The following GABRB3 variants were observed in gnomAD, a reference collection of about 807,000 sequenced individuals.
The protein encoded by GABRB3 is gamma-aminobutyric acid receptor subunit beta-3.
In GABRB3, 14 loss-of-function variants were observed where a neutral mutation model predicts 52.1. The ratio of observed to expected loss-of-function variants is 0.27; its 90% confidence interval spans 0.18 to 0.42. The LOEUF (loss-of-function observed/expected upper bound fraction) is 0.42, where lower values mean the gene tolerates loss of function less well. GABRB3 is among the 10% of genes least tolerant of loss of function. The probability of loss-of-function intolerance (pLI) is 1.00; values close to 1 mark genes in which losing one functional copy is unlikely to be tolerated. For missense variants in GABRB3, 307 were observed against 609.1 expected (o/e 0.50, Z 5.22); for synonymous variants, 260 against 232.3 (o/e 1.12, Z -1.08).
intron 8 of GABRB3, among the ~76,000 whole-genome samples, chr15:26,558,247 G>A (rs1215912161): frequency 1.3e-5 from 2 of 152,132 alleles, no homozygotes; most frequent in Non-Finnish European, 2.9e-5. Context: ...GAAAAATCTG[G>A]TTTTATTCAC....
At chr15:26,616,754 A>G (rs1019642990) in intron 4 of GABRB3, among the ~76,000 whole-genome samples, 24 of 152,162 alleles carry the variant, frequency 1.6e-4, no homozygotes, top group Admixed American at 1.6e-3. Context: ...TTATTATTTA[A>G]CATTTACATA....
intron 4 of GABRB3, among the ~76,000 whole-genome samples, chr15:26,587,552 G>A (rs565012950): frequency 2.0e-4 from 31 of 152,300 alleles, no homozygotes; most frequent in South Asian, 8.3e-4. Flanking sequence ...GGGAGAGTGG[G>A]CCTTTTGAGT....
chr15:26,738,778 T>A (rs533335980), intron 3 of GABRB3, among the ~76,000 whole-genome samples: 1 of 152,278 alleles, frequency 6.6e-6, no homozygotes, highest in African/African-American at 2.4e-5. Flanking sequence ...CAGGGCTTAC[T>A]CTCTGTCCAC....
At chr15:26,624,390 G>A (rs1892605454) in intron 3 of GABRB3, 2 of 985,470 alleles carry the variant, frequency 2.0e-6, no homozygotes, top group African/African-American at 1.7e-5. Context: ...GCATGCTTAC[G>A]CCTGAGTCGC....
At chr15:26,554,144 G>GTATATATATATAAAATATATATATATATA (rs1889626338) in intron 8 of GABRB3, among the ~76,000 whole-genome samples, 1 of 32,302 alleles carries the variant, frequency 3.1e-5, no homozygotes, top group African/African-American at 1.2e-4. Flanking sequence ...TATATATAAA[G>GTATATATATATAAAATATATATATATATA]TATATATATA....
chr15:26,609,392 T>G (rs1273924385), intron 4 of GABRB3, among the ~76,000 whole-genome samples: 1 of 152,160 alleles, frequency 6.6e-6, no homozygotes, highest in African/African-American at 2.4e-5. Flanking sequence ...GAACGTAGAT[T>G]CATTATGTGA....
chr15:26,588,024 T>C (rs1481466930), intron 4 of GABRB3, among the ~76,000 whole-genome samples: 1 of 152,148 alleles, frequency 6.6e-6, no homozygotes, highest in Non-Finnish European at 1.5e-5. Flanking sequence ...ATTTTTTGTT[T>C]TATGATTGAG....
chr15:26,739,735 T>C (rs988735051), intron 3 of GABRB3, among the ~76,000 whole-genome samples: 19 of 152,212 alleles, frequency 1.2e-4, no homozygotes, highest in Admixed American at 5.2e-4. Flanking sequence ...TGTGATATTT[T>C]GTTATGTTCA....
rs1890188275 is a variant in GABRB3 at position 26,566,650 on chromosome 15, C to CA, written c.835+930dup. ...TAGAGTTGAGAGGATCACTTGAGTT[C>CA]AGGAGGTTGAGGCTGCAGTGAGCCG... On this transcript the variant is annotated intron_variant, in intron 7 of 8. Transcript: ENST00000311550. Among the ~76,000 whole-genome samples, 5 of 152,024 alleles carry CA rather than the reference C, an allele frequency of 3.3e-5. No homozygotes were observed. In the South Asian group the frequency reaches 1.0e-3, roughly 32 times the overall value.
intron 3 of GABRB3, among the ~76,000 whole-genome samples, chr15:26,689,442 G>C (rs532593401): frequency 2.0e-5 from 3 of 152,184 alleles, no homozygotes; most frequent in Admixed American, 2.0e-4. Flanking sequence ...AAAGGAACTG[G>C]AGTTTATGCA....
chr15:26,773,070 C>A, upstream of GABRB3: 1 of 1,049,750 alleles, frequency 9.5e-7, no homozygotes, highest in Non-Finnish European at 1.1e-6. Context: ...CCGCGCTGGC[C>A]CGGAGCGGAG....
chr15:26,694,690 C>G (rs980909205), intron 3 of GABRB3, among the ~76,000 whole-genome samples: 3 of 152,170 alleles, frequency 2.0e-5, no homozygotes, highest in African/African-American at 7.2e-5. Flanking sequence ...GCAAAAAACA[C>G]AGTCTGGAGA....
chr15:26,728,940 G>C (rs137988602), intron 3 of GABRB3, among the ~76,000 whole-genome samples: 69 of 152,308 alleles, frequency 4.5e-4, no homozygotes, highest in African/African-American at 1.5e-3. Flanking sequence ...GTAGCTTCCT[G>C]ATGCAATTTT....
At chr15:26,682,824 C>T (rs780601632) in intron 3 of GABRB3, among the ~76,000 whole-genome samples, 7 of 152,206 alleles carry the variant, frequency 4.6e-5, no homozygotes, top group Admixed American at 6.5e-5. Context: ...CTGTTCAGGG[C>T]CATCACTACC....
At chr15:26,714,847 A>T (rs910751170) in intron 3 of GABRB3, among the ~76,000 whole-genome samples, 2 of 152,244 alleles carry the variant, frequency 1.3e-5, no homozygotes, top group African/African-American at 4.8e-5. Flanking sequence ...CTCAATGAAC[A>T]GCAGTTCAGG....
chr15:26,746,257 T>C (rs1448833057), intron 3 of GABRB3, among the ~76,000 whole-genome samples: 2 of 152,044 alleles, frequency 1.3e-5, no homozygotes, highest in African/African-American at 2.4e-5. Flanking sequence ...CATCTGTATA[T>C]ACTCTTTCCT....
chr15:26,630,978 A>C (rs1252823753), intron 3 of GABRB3, among the ~76,000 whole-genome samples: 1 of 152,222 alleles, frequency 6.6e-6, no homozygotes, highest in African/African-American at 2.4e-5. Context: ...AAACAATTTC[A>C]TGTGAAGGTA....
chr15:26,658,364 A>G (rs1207278196), intron 3 of GABRB3: 4 of 152,206 alleles, frequency 2.6e-5, no homozygotes, highest in African/African-American at 9.6e-5. Context: ...TGTGCATTAA[A>G]TTCTTTCTCT....
At chr15:26,606,512 T>C (rs1196157633) in intron 4 of GABRB3, among the ~76,000 whole-genome samples, 1 of 152,032 alleles carries the variant, frequency 6.6e-6, no homozygotes, top group Non-Finnish European at 1.5e-5. Context: ...TCCAACACAA[T>C]AAAGCTATAT....
Sources: allele counts gnomAD v4.1 joint callset (sites outside exome capture counted in the v4.1 genomes callset), GRCh38; gene constraint gnomAD v4.1.1; transcripts MANE v1.5; gene names NCBI Gene and HGNC (gene_info 2026-07-23, HGNC 2026-07-21).